CSMD3: variants seen among roughly 807,000 people sequenced by gnomAD.
CSMD3 encodes the protein CUB and Sushi multiple domains 3.
CSMD3 carries 177 observed loss-of-function variants against 435.2 expected under a neutral mutation model. The observed-to-expected ratio is 0.41, with a 90% CI of 0.36 to 0.46. CSMD3 has a LOEUF of 0.46. CSMD3 is among the 20% of genes least tolerant of loss of function. CSMD3 has a pLI of 0.34. For missense variants in CSMD3, 4,265 were observed against 4,504.6 expected (o/e 0.95, Z 1.52); for synonymous variants, 1,656 against 1,520.5 (o/e 1.09, Z -2.07).
At chr8:112,556,540 C>T (rs1268965455) in intron 25 of CSMD3, among the ~76,000 whole-genome samples, 1 of 151,886 alleles carries the variant, frequency 6.6e-6, no homozygotes, top group East Asian at 1.9e-4. Context: ...ACCATATTGT[C>T]CCCCACAAAC....
At chr8:113,256,389 C>G (rs1229730122) in intron 3 of CSMD3, among the ~76,000 whole-genome samples, 5 of 152,106 alleles carry the variant, frequency 3.3e-5, no homozygotes, top group African/African-American at 1.2e-4. Flanking sequence ...CGACACCATT[C>G]CTTATTCCCC....
At chr8:112,237,704 G>A (rs1445822229) in intron 66 of CSMD3, among the ~76,000 whole-genome samples, 2 of 152,056 alleles carry the variant, frequency 1.3e-5, no homozygotes, top group Non-Finnish European at 2.9e-5. Context: ...CACCATGGCA[G>A]TAAAACTATA....
At chr8:113,327,594 G>T (rs946311330) in intron 1 of CSMD3, among the ~76,000 whole-genome samples, 1 of 152,030 alleles carries the variant, frequency 6.6e-6, no homozygotes, top group African/African-American at 2.4e-5. Context: ...AGCAATCAGG[G>T]GGAACAGACC....
chr8:112,349,482 A>G (rs1434886565), intron 40 of CSMD3, among the ~76,000 whole-genome samples: 4 of 152,094 alleles, frequency 2.6e-5, no homozygotes, highest in African/African-American at 9.7e-5. Context: ...TGGATGAAAG[A>G]TCTAAACTCT....
At position 112,992,259 on chromosome 8, in the gene CSMD3, T is replaced by G. The variant is rs184919283; in HGVS notation, c.1031-16111A>C. On this transcript the variant is annotated intron_variant, in intron 6 of 70. Transcript: ENST00000297405. ...CTCTCCTTCGTCCCTCCCTCTATCTTTTTTTCTTTCCTTCTACAATTATAT... is the reference window on the plus strand; with the variant it reads ...CTCTCCTTCGTCCCTCCCTCTATCTGTTTTTCTTTCCTTCTACAATTATAT... Among the ~76,000 whole-genome samples, 979 of 151,860 alleles carry G rather than the reference T, an allele frequency of 6.4e-3. 5 individuals carry two copies. The highest frequency in any genetic ancestry group is 0.017 in the Middle Eastern group (5 of 292).
At chr8:113,019,891 C>T (rs1185202814) in intron 5 of CSMD3, among the ~76,000 whole-genome samples, 2 of 151,916 alleles carry the variant, frequency 1.3e-5, no homozygotes, top group South Asian at 2.1e-4. Flanking sequence ...TGGCCGGGCG[C>T]GGTGGCTCAC....
chr8:112,556,794 C>T lies in CSMD3; in HGVS notation c.4203G>A (p.Arg1401=), dbSNP rs2131224166. 2 of 1,612,182 alleles carry T rather than the reference C, an allele frequency of 1.2e-6. No individual in the cohort carries two copies. The highest frequency in any genetic ancestry group is 1.7e-6 in the Non-Finnish European group (2 of 1,178,764). The change falls in exon 25 of 71, where the codon AGG becomes AGA. Residue 1401 remains arginine, a synonymous_variant. Transcript: ENST00000297405. ...SLLKCMTGER[R]AWDYPLPSCI... Reference sequence around the variant, plus strand: ...AGGAAGGCAGAGGATAGTCCCATGCCCTTCTCTCCCCTGTCATGCACTTGA... The same window carrying T: ...AGGAAGGCAGAGGATAGTCCCATGCTCTTCTCTCCCCTGTCATGCACTTGA...
chr8:112,629,789 G>GT (rs574461625), intron 22 of CSMD3, among the ~76,000 whole-genome samples: 69 of 152,226 alleles, frequency 4.5e-4, no homozygotes, highest in African/African-American at 1.4e-3. Context: ...CATGATACCT[G>GT]TTTTTTTAGC....
Position 112,477,886 on chromosome 8 carries a change from A to C in CSMD3, c.5279-5179T>G, listed in dbSNP as rs552205117. Among the ~76,000 whole-genome samples the C allele has an allele frequency of 1.1e-3, 163 of 152,328 alleles. 1 individual carries two copies. In the South Asian group the frequency reaches 0.032, roughly 30 times the overall value. The stretch of plus-strand genomic sequence containing the variant: ...GCTGATATGGTTTGGCTGTGTCCCC[A>C]GCCAAATCTCATCTTAAATTCCCAT... On this transcript the variant is annotated intron_variant, in intron 31 of 70. Coordinates refer to ENST00000297405, the MANE Select transcript of CSMD3 (RefSeq NM_198123.2).
intron 1 of CSMD3, among the ~76,000 whole-genome samples, chr8:113,370,989 T>G (rs2094343056): frequency 6.6e-6 from 1 of 152,068 alleles, no homozygotes; most frequent in Non-Finnish European, 1.5e-5. Flanking sequence ...TGAAACAAGC[T>G]TGGCCATGAA....
At chr8:112,420,176 A>G (rs73328614) in intron 32 of CSMD3, among the ~76,000 whole-genome samples, 2,930 of 152,232 alleles carry the variant, frequency 0.019, 104 homozygotes, top group African/African-American at 0.067. Flanking sequence ...TCAAACATAT[A>G]CCAAGTAGAC....
chr8:112,789,435 C>A (rs1189655139), intron 13 of CSMD3, among the ~76,000 whole-genome samples: 1 of 151,972 alleles, frequency 6.6e-6, no homozygotes, highest in Non-Finnish European at 1.5e-5. Context: ...ACTAAATCAG[C>A]AATGCATATG....
intron 2 of CSMD3, among the ~76,000 whole-genome samples, chr8:113,279,791 T>A (rs987808030): frequency 1.4e-4 from 22 of 151,900 alleles, no homozygotes; most frequent in African/African-American, 5.3e-4. Flanking sequence ...CAGTTATGAG[T>A]CTAATTAGTT....
At position 112,685,505 on chromosome 8, in the gene CSMD3, C is replaced by T. The variant is rs2131803333; in HGVS notation, c.2383G>A (p.Glu795Lys). Residue 795 changes from glutamate (E) to lysine (K), a missense_variant, in exon 15 of 71, where the codon GAG (glutamate) becomes AAG (lysine). By Grantham distance (56) the Glu-to-Lys change is moderately conservative. This residue lies in a region of CSMD3 where 279 missense variants were observed against 369.0 expected (regional missense o/e 0.76). Coordinates refer to ENST00000297405, the MANE Select transcript of CSMD3 (RefSeq NM_198123.2). ...TTACTAGTAAGATGGGAAGGCACCT[C>T]AGCCCCAGTAAAGGTTCCAAGAATT... ...SPILGTFTGAEVPSHLTSNSH... is the reference protein window; with the variant it reads ...SPILGTFTGAKVPSHLTSNSH... The T allele has an allele frequency of 6.2e-7, 1 of 1,614,000 alleles. No homozygotes were observed. Among genetic ancestry groups the T allele is most frequent in the Non-Finnish European group, 8.5e-7 (1 of 1,179,924 alleles).
intron 27 of CSMD3, among the ~76,000 whole-genome samples, chr8:112,519,047 C>G (rs1421270951): frequency 6.6e-6 from 1 of 152,114 alleles, no homozygotes; most frequent in African/African-American, 2.4e-5. Flanking sequence ...AGCCCCTCCA[C>G]TGACATGTGG....
intron 13 of CSMD3, among the ~76,000 whole-genome samples, chr8:112,716,907 C>T (rs2076744067): frequency 6.6e-6 from 1 of 152,100 alleles, no homozygotes; most frequent in South Asian, 2.1e-4. Context: ...CTTCCTTACA[C>T]CTCATACAAA....
At chr8:112,231,943 A>T (rs141055396) in intron 68 of CSMD3, among the ~76,000 whole-genome samples, 214 of 152,310 alleles carry the variant, frequency 1.4e-3, no homozygotes, top group African/African-American at 5.0e-3. Context: ...ATTAAAACAT[A>T]AAAATACTGT....
chr8:113,140,529 A>G (rs1033327915), intron 4 of CSMD3, among the ~76,000 whole-genome samples: 7 of 151,002 alleles, frequency 4.6e-5, no homozygotes, highest in Non-Finnish European at 7.4e-5. Flanking sequence ...AAACACAACT[A>G]ACTTAAAATA....
chr8:112,964,413 G>A (rs991914113), intron 7 of CSMD3, among the ~76,000 whole-genome samples: 2 of 151,794 alleles, frequency 1.3e-5, no homozygotes, highest in African/African-American at 4.8e-5. Context: ...AGGCACAAAA[G>A]CTTTATTAAC....
Sources: allele counts gnomAD v4.1 joint callset (sites outside exome capture counted in the v4.1 genomes callset), GRCh38; gene constraint gnomAD v4.1.1; regional missense constraint gnomAD v4.1.1; transcripts MANE v1.5; gene names NCBI Gene and HGNC (gene_info 2026-07-23, HGNC 2026-07-21).